TMEM232: variants seen among roughly 807,000 people sequenced by gnomAD.
TMEM232 encodes the protein transmembrane protein 232.
Under a neutral mutation model 78.8 loss-of-function variants are expected in TMEM232, and 80 were observed. That is an observed-to-expected ratio of 1.01 (90% CI 0.85 to 1.22). TMEM232 has a LOEUF of 1.22. Among genes scored for constraint, TMEM232 ranks in the 50% most tolerant of loss-of-function variants. The probability of loss-of-function intolerance (pLI) is 0.00; values close to 1 mark genes in which losing one functional copy is unlikely to be tolerated. For missense variants in TMEM232, 881 were observed against 742.2 expected (o/e 1.19, Z -2.17); for synonymous variants, 297 against 254.3 (o/e 1.17, Z -1.60).
intron 12 of TMEM232, among the ~76,000 whole-genome samples, chr5:110,446,101 T>C (rs1055836110): frequency 2.6e-5 from 4 of 152,154 alleles, no homozygotes; most frequent in Admixed American, 2.6e-4. Flanking sequence ...AACTCTCTAA[T>C]GTCAGTATCT....
chr5:110,512,025 C>T (rs1767828440), intron 12 of TMEM232, among the ~76,000 whole-genome samples: 1 of 152,100 alleles, frequency 6.6e-6, no homozygotes, highest in African/African-American at 2.4e-5. Flanking sequence ...TGCCTTCATA[C>T]ATCATGTACC....
At chr5:110,507,769 T>G (rs112984638) in intron 12 of TMEM232, among the ~76,000 whole-genome samples, 12 of 152,340 alleles carry the variant, frequency 7.9e-5, no homozygotes, top group African/African-American at 2.9e-4. Context: ...CTCAGGCATT[T>G]GAGAACTTGT....
chr5:110,589,410 T>C (rs1050655167), intron 10 of TMEM232, among the ~76,000 whole-genome samples: 1 of 152,284 alleles, frequency 6.6e-6, no homozygotes, highest in East Asian at 1.9e-4. Flanking sequence ...AATAATGCTA[T>C]AGGATAATGA....
At chr5:110,727,538 G>A (rs998687074), upstream of TMEM232, among the ~76,000 whole-genome samples, 3 of 152,100 alleles carry the variant, frequency 2.0e-5, no homozygotes, top group Admixed American at 6.5e-5. Flanking sequence ...GAACCCAGGA[G>A]ATGGAGGTTG....
Position 110,709,659 on chromosome 5 carries a change from T to C in TMEM232, c.-13+16968A>G, listed in dbSNP as rs970448640. ...AAGTGGGTCAATGAAGAAATTAAGG[T>C]GGAAATTTAAAAATTTATTGAAACA... On this transcript the variant is annotated intron_variant, in intron 1 of 13. Transcript: ENST00000455884. 2.0e-5 allele frequency among the ~76,000 whole-genome samples: 3 copies of C among 152,012 alleles called. No individual in the cohort carries two copies. In the South Asian group the frequency reaches 6.2e-4, roughly 31 times the overall value.
intron 1 of TMEM232, among the ~76,000 whole-genome samples, chr5:110,684,548 C>A (rs1793157233): frequency 1.3e-5 from 2 of 152,014 alleles, no homozygotes; most frequent in East Asian, 1.9e-4. Context: ...CTATTTTAAA[C>A]ATGTTAGAGA....
intron 1 of TMEM232, among the ~76,000 whole-genome samples, chr5:110,701,562 T>C (rs1048420128): frequency 6.6e-6 from 1 of 152,036 alleles, no homozygotes; most frequent in Non-Finnish European, 1.5e-5. Context: ...TACTCTTTTG[T>C]CCAATATACT....
intron 11 of TMEM232, among the ~76,000 whole-genome samples, chr5:110,564,652 CA>C (rs1248085887): frequency 6.6e-6 from 1 of 151,856 alleles, no homozygotes; most frequent in Non-Finnish European, 1.5e-5. Context: ...CTAACCTAGG[CA>C]AATTGGAATG....
At chr5:110,396,854 A>G (rs146838221) in intron 3 of TMEM232, among the ~76,000 whole-genome samples, 1 of 152,126 alleles carries the variant, frequency 6.6e-6, no homozygotes, top group East Asian at 1.9e-4. Context: ...CTTGCTAGGG[A>G]TGTAAGGAGA....
intron 11 of TMEM232, among the ~76,000 whole-genome samples, chr5:110,552,781 G>C (rs1247363356): frequency 6.6e-6 from 1 of 151,600 alleles, no homozygotes; most frequent in Non-Finnish European, 1.5e-5. Flanking sequence ...ATAATTAAGA[G>C]AATGAAAACC....
chr5:110,500,363 A>ACC (rs1766131133), intron 12 of TMEM232, among the ~76,000 whole-genome samples: 1 of 151,990 alleles, frequency 6.6e-6, no homozygotes, highest in Non-Finnish European at 1.5e-5. Flanking sequence ...ACAAAGTATA[A>ACC]CCTCTAATAA....
In TMEM232 at chr5:110,544,441, CAAAAAA is replaced by C. The variant is rs575755362; in HGVS notation, c.1456-15612_1456-15607del. Among the ~76,000 whole-genome samples, 92 of 75,750 alleles carry C rather than the reference CAAAAAA, an allele frequency of 1.2e-3. 1 individual carries two copies. The highest frequency in any genetic ancestry group is 3.1e-3 in the African/African-American group (87 of 27,786). The allele number at this position is 75,750 out of a possible 152,430, so 49.7% of individuals were successfully genotyped here. Reference sequence around the variant, plus strand: ...GGATGTAGTAGCAATACACACATATCAAAAAAAAAAAAAAAAAAGCCTTTACAAAGT... The same window carrying C: ...GGATGTAGTAGCAATACACACATATCAAAAAAAAAAAAGCCTTTACAAAGT... On this transcript the variant is annotated intron_variant, in intron 11 of 13. Coordinates refer to ENST00000455884, the MANE Select transcript of TMEM232 (RefSeq NM_001039763.4).
rs865982687 is a variant in TMEM232, at chr5:110,466,811, T to C, written c.1704-41895A>G. 4.6e-5 allele frequency among the ~76,000 whole-genome samples: 7 copies of C among 151,946 alleles called. No homozygotes were observed. In the South Asian group the frequency reaches 1.2e-3, roughly 27 times the overall value. ...TTTGTATTTTTAGTAGAGACGGGGT[T>C]TCGCTGTATTAGCCAGGATGGTCTC... On this transcript the variant is annotated intron_variant, in intron 12 of 13. Transcript: ENST00000455884.
chr5:110,544,441 C>CAAAAAAAAAAAAAA (rs575755362), intron 11 of TMEM232, among the ~76,000 whole-genome samples: 1 of 75,780 alleles, frequency 1.3e-5, no homozygotes, highest in Non-Finnish European at 3.4e-5. Flanking sequence ...ACACACATAT[C>CAAAAAAAAAAAAAA]AAAAAAAAAA....
chr5:110,426,843 T>C (rs1757295446), intron 12 of TMEM232, among the ~76,000 whole-genome samples: 1 of 152,032 alleles, frequency 6.6e-6, no homozygotes, highest in Non-Finnish European at 1.5e-5. Context: ...CAAAGAATTG[T>C]GCCAAATGCT....
intron 1 of TMEM232, among the ~76,000 whole-genome samples, chr5:110,719,040 C>T (rs923113309): frequency 3.9e-5 from 6 of 152,024 alleles, no homozygotes; most frequent in Non-Finnish European, 7.4e-5. Flanking sequence ...TCTACTTACA[C>T]AAACCTGGAT....
At chr5:110,432,836 T>C (rs1758008664) in intron 12 of TMEM232, among the ~76,000 whole-genome samples, 1 of 151,738 alleles carries the variant, frequency 6.6e-6, no homozygotes, top group South Asian at 2.1e-4. Flanking sequence ...AGAGCTACTA[T>C]TCTTAAATCA....
At chr5:110,647,917 C>A (rs564777138) in intron 2 of TMEM232, among the ~76,000 whole-genome samples, 5 of 151,922 alleles carry the variant, frequency 3.3e-5, no homozygotes, top group Admixed American at 6.6e-5. Flanking sequence ...CTTATAAATA[C>A]ATTTATACAT....
chr5:110,431,761 A>G (rs1401643049), intron 12 of TMEM232, among the ~76,000 whole-genome samples: 2 of 151,838 alleles, frequency 1.3e-5, no homozygotes, highest in Non-Finnish European at 1.5e-5. Flanking sequence ...GTAGGTGTAT[A>G]TAACAGCAGA....
Sources: gnomAD v4.1 joint callset for allele counts (sites outside exome capture counted in the v4.1 genomes callset) on GRCh38, gnomAD v4.1.1 for gene constraint, MANE v1.5 for transcripts, NCBI Gene and HGNC (gene_info 2026-07-23, HGNC 2026-07-21) for gene names.